NCALD: variants seen among roughly 807,000 people sequenced by gnomAD.
NCALD encodes neurocalcin delta.
NCALD carries 10 observed loss-of-function variants against 18.6 expected under a neutral mutation model. The ratio of observed to expected loss-of-function variants is 0.54; its 90% CI spans 0.33 to 0.91. The LOEUF (loss-of-function observed/expected upper bound fraction) is 0.91. Among genes scored for constraint, NCALD ranks in the 40% least tolerant of loss-of-function variants. The probability of loss-of-function intolerance (pLI) is 0.03; values close to 1 mark genes in which losing one functional copy is unlikely to be tolerated. For missense variants in NCALD, 184 were observed against 247.6 expected, an observed-to-expected ratio of 0.74 and a Z score of 1.72; for synonymous variants, 88 against 87.4, an observed-to-expected ratio of 1.01 and a Z score of -0.04.
At chr8:101,827,015 A>G (rs1813964353) in intron 4 of NCALD, among the ~76,000 whole-genome samples, 1 of 152,202 alleles carries the variant, frequency 6.6e-6, no homozygotes, top group Admixed American at 6.5e-5. Flanking sequence ...CTGTCTGAAA[A>G]CAACAAAAAT....
chr8:102,113,494 T>C (rs545456599), intron 1 of NCALD, among the ~76,000 whole-genome samples: 1 of 152,378 alleles, frequency 6.6e-6, no homozygotes. Context: ...TATTTTTGCC[T>C]ATGTTTTTCA....
chr8:101,907,743 T>C (rs1350089963), intron 3 of NCALD, among the ~76,000 whole-genome samples: 1 of 152,142 alleles, frequency 6.6e-6, no homozygotes, highest in African/African-American at 2.4e-5. Flanking sequence ...AGAAACTACA[T>C]TTCATGCTTC....
At chr8:101,706,934 C>A (rs1322958159) in intron 2 of NCALD, among the ~76,000 whole-genome samples, 1 of 152,198 alleles carries the variant, frequency 6.6e-6, no homozygotes, top group Admixed American at 6.5e-5. Flanking sequence ...TAAGCAAGCA[C>A]TAAAGTCAGT....
chr8:101,831,442 G>A (rs567000567), intron 4 of NCALD, among the ~76,000 whole-genome samples: 12 of 152,292 alleles, frequency 7.9e-5, no homozygotes, highest in Admixed American at 3.9e-4. Context: ...CAATTCACTG[G>A]TGAATCAGAA....
intron 2 of NCALD, among the ~76,000 whole-genome samples, chr8:101,712,602 A>AAAAAAAAAAAAAAG (rs1563683244): frequency 4.6e-5 from 6 of 129,716 alleles, no homozygotes; most frequent in African/African-American, 1.4e-4. Context: ...AAAAAAAAAA[A>AAAAAAAAAAAAAAG]AAAAAAAAAT....
chr8:101,709,741 C>T (rs1433420651), intron 2 of NCALD, among the ~76,000 whole-genome samples: 2 of 152,228 alleles, frequency 1.3e-5, no homozygotes, highest in Non-Finnish European at 1.5e-5. Flanking sequence ...GGTATTCACA[C>T]CTGTCTCCAG....
At chr8:102,030,999 C>A (rs1314338964) in intron 1 of NCALD, among the ~76,000 whole-genome samples, 1 of 150,264 alleles carries the variant, frequency 6.7e-6, no homozygotes, top group Non-Finnish European at 1.5e-5. Flanking sequence ...CCTTAGAAAC[C>A]CCAATAACTA....
intron 2 of NCALD, among the ~76,000 whole-genome samples, chr8:101,987,734 T>C (rs1820868602): frequency 6.6e-6 from 1 of 152,140 alleles, no homozygotes; most frequent in Non-Finnish European, 1.5e-5. Flanking sequence ...TCCACCGACC[T>C]TGTCAAAACA....
intron 1 of NCALD, among the ~76,000 whole-genome samples, chr8:102,059,275 G>A (rs1823760147): frequency 6.6e-6 from 1 of 152,156 alleles, no homozygotes; most frequent in South Asian, 2.1e-4. Context: ...AAGGTTCTCT[G>A]ATGGGCTATC....
chr8:101,786,920 A>C (rs1236420846), intron 1 of NCALD, among the ~76,000 whole-genome samples: 3 of 152,188 alleles, frequency 2.0e-5, no homozygotes, highest in Admixed American at 1.3e-4. Flanking sequence ...ACTTATGAAA[A>C]TACATGCAAA....
chr8:102,020,661 T>A (rs1328676015), intron 1 of NCALD, among the ~76,000 whole-genome samples: 1 of 152,218 alleles, frequency 6.6e-6, no homozygotes, highest in Non-Finnish European at 1.5e-5. Flanking sequence ...CACTTCAGTT[T>A]TGCACAGTAG....
intron 2 of NCALD, among the ~76,000 whole-genome samples, chr8:101,945,195 G>A (rs1412837620): frequency 6.6e-6 from 1 of 152,152 alleles, no homozygotes; most frequent in African/African-American, 2.4e-5. Flanking sequence ...TCATTATGGT[G>A]TTCATTCAAC....
intron 2 of NCALD, among the ~76,000 whole-genome samples, chr8:101,935,210 G>A (rs999420003): frequency 1.3e-5 from 2 of 151,994 alleles, no homozygotes; most frequent in African/African-American, 2.4e-5. Flanking sequence ...AATTTCAGAC[G>A]ATTAATATAT....
intron 4 of NCALD, among the ~76,000 whole-genome samples, chr8:101,805,733 GGT>G (rs1482843452): frequency 2.0e-5 from 3 of 152,088 alleles, no homozygotes; most frequent in Admixed American, 6.6e-5. Context: ...AGATTTTGAT[GGT>G]AAACAATTGA....
intron 4 of NCALD, among the ~76,000 whole-genome samples, chr8:101,855,030 G>T (rs1815251596): frequency 6.6e-6 from 1 of 152,140 alleles, no homozygotes. Flanking sequence ...ATGGGTCAGA[G>T]TCTCCTGATG....
intron 1 of NCALD, among the ~76,000 whole-genome samples, chr8:102,098,934 A>G (rs1040148261): frequency 3.3e-5 from 5 of 152,192 alleles, no homozygotes; most frequent in African/African-American, 1.2e-4. Flanking sequence ...GAGCTACTAT[A>G]GAAGTTTTTT....
At chr8:101,875,373 T>C (rs1266365605) in intron 4 of NCALD, among the ~76,000 whole-genome samples, 3 of 152,128 alleles carry the variant, frequency 2.0e-5, no homozygotes, top group African/African-American at 7.2e-5. Context: ...TCACACAGGA[T>C]TTCCCTCCTT....
intron 4 of NCALD, among the ~76,000 whole-genome samples, chr8:101,832,831 C>G (rs1345981272): frequency 6.6e-6 from 1 of 152,174 alleles, no homozygotes; most frequent in Non-Finnish European, 1.5e-5. Flanking sequence ...CAGCAGTGAT[C>G]CAAATAAATG....
chr8:102,002,008 T>C (rs955043686), intron 2 of NCALD, among the ~76,000 whole-genome samples: 3 of 152,138 alleles, frequency 2.0e-5, no homozygotes, highest in Admixed American at 6.5e-5. Flanking sequence ...AATGACAGGA[T>C]CAAATTCACA....
Sources: gnomAD v4.1 joint callset for allele counts (sites outside exome capture counted in the v4.1 genomes callset) on GRCh38, gnomAD v4.1.1 for gene constraint, MANE v1.5 for transcripts, NCBI Gene and HGNC (gene_info 2026-07-23, HGNC 2026-07-21) for gene names.